PAQR7: variants seen among roughly 807,000 people sequenced by gnomAD.
The protein encoded by PAQR7 is membrane progestin receptor alpha.
PAQR7 carries 14 observed loss-of-function variants against 24.6 expected under a neutral mutation model. The ratio of observed to expected loss-of-function variants is 0.57; its 90% CI spans 0.38 to 0.89. The LOEUF (loss-of-function observed/expected upper bound fraction) is 0.89, where lower values mean the gene tolerates loss of function less well. PAQR7 is among the 40% of genes least tolerant of loss of function. The pLI is 0.00. For missense variants in PAQR7, 351 were observed against 444.0 expected, an observed-to-expected ratio of 0.79 and a Z score of 1.88; for synonymous variants, 189 against 198.8, an observed-to-expected ratio of 0.95 and a Z score of 0.42.
At chr1:25,866,939 C>A (rs755401874) in intron 2 of PAQR7, among the ~76,000 whole-genome samples, 1 of 152,210 alleles carries the variant, frequency 6.6e-6, no homozygotes, top group Non-Finnish European at 1.5e-5. Flanking sequence ...CCACATTGGC[C>A]AGGCTGGTCT....
At chr1:25,874,161 G>C (rs568891441) in intron 1 of PAQR7, among the ~76,000 whole-genome samples, 74 of 150,622 alleles carry the variant, frequency 4.9e-4, no homozygotes, top group Non-Finnish European at 9.1e-4. Flanking sequence ...GGGATTACAG[G>C]TGTGAGCCAC....
chr1:25,873,241 C>T (rs1486564167), intron 1 of PAQR7, among the ~76,000 whole-genome samples: 1 of 152,238 alleles, frequency 6.6e-6, no homozygotes, highest in East Asian at 1.9e-4. Context: ...CCACAGCCAA[C>T]CTGGGAGCCC....
intron 2 of PAQR7, among the ~76,000 whole-genome samples, chr1:25,865,283 ATTGTT>A (rs1399568995): frequency 1.3e-5 from 2 of 152,058 alleles, no homozygotes; most frequent in Admixed American, 1.3e-4. Flanking sequence ...ATTTCTCATG[ATTGTT>A]CATGTGAGCT....
intron 1 of PAQR7, chr1:25,871,087 G>T (rs954885822): frequency 8.5e-5 from 13 of 152,162 alleles, no homozygotes; most frequent in African/African-American, 2.9e-4. Context: ...AGTTCCATTA[G>T]ATTTGGGGGC....
At chr1:25,869,837 ATCT>A in intron 2 of PAQR7, among the ~76,000 whole-genome samples, 1 of 152,162 alleles carries the variant, frequency 6.6e-6, no homozygotes, top group South Asian at 2.1e-4. Flanking sequence ...CTTGCACCTG[ATCT>A]TCTCCAGGGA....
chr1:25,862,539 G>A lies in PAQR7; in HGVS notation c.*260C>T. The A allele has an allele frequency of 2.3e-6, 1 of 436,438 alleles. No individual in the cohort carries two copies. The highest frequency in any genetic ancestry group is 3.2e-5 in the South Asian group (1 of 31,282). The allele number at this position is 436,438 out of a possible 1,614,324, so 27.0% of individuals were successfully genotyped here. On this transcript the variant is annotated 3_prime_UTR_variant, in exon 3 of 3. Coordinates refer to ENST00000675840, the MANE Select transcript of PAQR7 (RefSeq NM_178422.6). Reference sequence around the variant, plus strand: ...CCAGTGAGTGGCAGTGGAAGGGCAAGCTGGAGTGGCCCACACCGTTAACTC... The same window carrying A: ...CCAGTGAGTGGCAGTGGAAGGGCAAACTGGAGTGGCCCACACCGTTAACTC...
chr1:25,863,859 G>A lies in PAQR7; in HGVS notation c.-20C>T. ...GGCCATGGCTGTGGGCCTGGGCAGG[G>A]AGCTGGGAGAGAGACCAGAGCAAAG... On this transcript the variant is annotated splice_region_variant and 5_prime_UTR_variant, in exon 3 of 3. Transcript: ENST00000675840. This position sits in a 1 kb window ranked among gnomAD's most constrained non-coding sequence, Gnocchi z 6.1. 4 of 1,591,906 alleles carry A rather than the reference G, an allele frequency of 2.5e-6. No individual in the cohort carries two copies. Among genetic ancestry groups the A allele is most frequent in the Non-Finnish European group, 3.4e-6 (4 of 1,169,572 alleles).
At chr1:25,864,741 C>T (rs1335765825) in intron 2 of PAQR7, among the ~76,000 whole-genome samples, 2 of 151,982 alleles carry the variant, frequency 1.3e-5, no homozygotes, top group Non-Finnish European at 2.9e-5. Context: ...GTCCCAGCTA[C>T]TGGAGAGGCT....
chr1:25,873,041 G>T (rs2048617758), intron 1 of PAQR7, among the ~76,000 whole-genome samples: 1 of 152,174 alleles, frequency 6.6e-6, no homozygotes, highest in Non-Finnish European at 1.5e-5. Context: ...CAAATAATAA[G>T]GCCAGACCAA....
Position 25,862,879 on chromosome 1 carries a change from G to A in PAQR7, c.961C>T (p.Leu321Phe), listed in dbSNP as rs1400118188. Residue 321 changes from leucine (L) to phenylalanine (F), a missense_variant, in exon 3 of 3, where the codon CTC becomes TTC. Leu to Phe is a conservative substitution (Grantham distance 22). Transcript: ENST00000675840. ...WPHNFSGLFL[L>F]TVGSSILTAF... ...GTGAGGATGCTGCTGCCCACCGTGA[G>A]CAGGAAGAGGCCAGAAAAGTTGTGA... 1 of 1,614,200 alleles carries A rather than the reference G, an allele frequency of 6.2e-7. No individual in the cohort carries two copies. Among genetic ancestry groups the A allele is most frequent in the Middle Eastern group, 1.7e-4 (1 of 6,060 alleles).
At chr1:25,869,456 C>T (rs1357301028) in intron 2 of PAQR7, among the ~76,000 whole-genome samples, 1 of 151,954 alleles carries the variant, frequency 6.6e-6, no homozygotes, top group Non-Finnish European at 1.5e-5. Flanking sequence ...CTTGTAATCC[C>T]AGCTACTCAG....
chr1:25,865,050 G>A (rs1281684407), intron 2 of PAQR7, among the ~76,000 whole-genome samples: 1 of 151,576 alleles, frequency 6.6e-6, no homozygotes, highest in Non-Finnish European at 1.5e-5. Context: ...CAGCTGCTCG[G>A]GAGGCTGAGG....
chr1:25,868,963 C>A (rs2048580891), intron 2 of PAQR7, among the ~76,000 whole-genome samples: 1 of 151,348 alleles, frequency 6.6e-6, no homozygotes, highest in African/African-American at 2.4e-5. Context: ...CCCGTCTCTA[C>A]TAAAAATACA....
chr1:25,868,992 T>A (rs1216536657), intron 2 of PAQR7, among the ~76,000 whole-genome samples: 2 of 151,940 alleles, frequency 1.3e-5, no homozygotes, highest in Non-Finnish European at 2.9e-5. Flanking sequence ...CTGGGCGTGG[T>A]GGCACGTGCC....
Position 25,862,572 on chromosome 1 carries a change from C to T in PAQR7, c.*227G>A, listed in dbSNP as rs2048519928. On this transcript the variant is annotated 3_prime_UTR_variant, in exon 3 of 3. Coordinates refer to ENST00000675840, the MANE Select transcript of PAQR7 (RefSeq NM_178422.6). ...GGCCCACACCGTTAACTCTTTCCCT[C>T]TCCCTGGGCAAGGAGCTGGGGCAGG... is the stretch of plus-strand genomic sequence containing the variant. 3.6e-6 allele frequency: 2 copies of T among 555,266 alleles called. No homozygotes were observed. Among genetic ancestry groups the T allele is most frequent in the South Asian group, 4.6e-5 (2 of 43,802 alleles). 34.4% of individuals were successfully genotyped at this position (555,266 alleles called of 1,614,324 possible).
intron 2 of PAQR7, among the ~76,000 whole-genome samples, chr1:25,865,808 AAAAT>A (rs1242754459): frequency 1.3e-5 from 2 of 151,858 alleles, no homozygotes; most frequent in African/African-American, 2.4e-5. Flanking sequence ...CTCCATCTCA[AAAAT>A]AAATAAATAA....
rs374295612 is a variant in PAQR7 at position 25,863,648 on chromosome 1, C to G, written c.192G>C (p.Thr64=). 1.9e-6 allele frequency: 3 copies of G among 1,613,948 alleles called. No homozygotes were observed. Among genetic ancestry groups the G allele is most frequent in the Non-Finnish European group, 2.5e-6 (3 of 1,180,006 alleles). The change falls in exon 3 of 3, where the codon ACG becomes ACC. Residue 64 remains threonine, a synonymous_variant. Coordinates refer to ENST00000675840, the MANE Select transcript of PAQR7 (RefSeq NM_178422.6). This position sits in a 1 kb window ranked among gnomAD's most constrained non-coding sequence, Gnocchi z 6.1. ...CGGCCTCGTTGTGCTGCTGGAACAGCGTGCGGAAATAGAAGCGCCAGGTCT... is the reference window on the plus strand; with the variant it reads ...CGGCCTCGTTGTGCTGCTGGAACAGGGTGCGGAAATAGAAGCGCCAGGTCT... ...LHQTWRFYFR[T]LFQQHNEAVN...
Position 25,863,145 on chromosome 1 carries a change from G to A in PAQR7, c.695C>T (p.Thr232Ile), listed in dbSNP as rs773842564. ...GTAGAGAAGAGCTGGATCATCCGTG[G>A]TGGGGTCGGAGGACACGAAGATACG... ...VHRIFVSSDP[T>I]TDDPALLYHK... Residue 232 changes from threonine (T) to isoleucine (I), a missense_variant, in exon 3 of 3, where the codon ACC (threonine) becomes ATC (isoleucine). By Grantham distance (89) the Thr-to-Ile change is moderately conservative (BLOSUM62 -1). Transcript: ENST00000675840. This position sits in a 1 kb window ranked among gnomAD's most constrained non-coding sequence, Gnocchi z 6.1. 8 of 1,614,196 alleles carry A rather than the reference G, an allele frequency of 5.0e-6. No individual in the cohort carries two copies. The East Asian group carries it at 1.8e-4, about 36-fold the overall frequency.
chr1:25,873,480 G>A (rs1161718172), intron 1 of PAQR7, among the ~76,000 whole-genome samples: 1 of 151,578 alleles, frequency 6.6e-6, no homozygotes, highest in East Asian at 1.9e-4. Context: ...GTCCCTACAT[G>A]TCTTCCAAAA....
Sources: gnomAD v4.1 joint callset for allele counts (sites outside exome capture counted in the v4.1 genomes callset) on GRCh38, gnomAD v4.1.1 for gene constraint, Gnocchi (gnomAD v3.1) non-coding constraint, MANE v1.5 for transcripts, NCBI Gene and HGNC (gene_info 2026-07-23, HGNC 2026-07-21) for gene names.